Variants in CHRM3 observed in about 807,000 individuals in gnomAD.
CHRM3 encodes the protein muscarinic acetylcholine receptor M3.
A neutral mutation model predicts 41.8 loss-of-function variants in CHRM3; 11 were observed. The ratio of observed to expected loss-of-function variants is 0.26; its 90% CI spans 0.17 to 0.44. The LOEUF (loss-of-function observed/expected upper bound fraction) is 0.44, where lower values mean the gene tolerates loss of function less well. Ranked by LOEUF, CHRM3 falls within the 20% of genes least tolerant of loss-of-function variation. The pLI is 1.00. For synonymous variants in CHRM3, 297 were observed against 301.4 expected, an observed-to-expected ratio of 0.99 and a Z score of 0.15; for missense variants, 571 against 745.4, an observed-to-expected ratio of 0.77 and a Z score of 2.72.
In CHRM3 at chr1:239,560,832, G is replaced by A. The variant is rs187280287; in HGVS notation, c.-313+15083G>A. Among the ~76,000 whole-genome samples the A allele has an allele frequency of 1.1e-3, 172 of 152,112 alleles. 1 individual carries two copies. Among genetic ancestry groups the A allele is most frequent in the Non-Finnish European group, 1.8e-3 (122 of 68,002 alleles). ...ATCTTTACTTGAATGCCTAACAAGTGGCTCTAAATTAACATGTCCAAAACA... is the reference window on the plus strand; with the variant it reads ...ATCTTTACTTGAATGCCTAACAAGTAGCTCTAAATTAACATGTCCAAAACA... On this transcript the variant is annotated intron_variant, in intron 3 of 6. Transcript: ENST00000676153.
intron 1 of CHRM3, among the ~76,000 whole-genome samples, chr1:239,416,920 T>C (rs1661545199): frequency 6.6e-6 from 1 of 152,176 alleles, no homozygotes; most frequent in South Asian, 2.1e-4. Context: ...AGGAACATGA[T>C]AGCAAAGATG....
At chr1:239,893,379 T>C (rs972255163) in intron 6 of CHRM3, among the ~76,000 whole-genome samples, 5 of 152,162 alleles carry the variant, frequency 3.3e-5, no homozygotes, top group African/African-American at 9.7e-5. Flanking sequence ...TTTTAAAATT[T>C]TGCTTGTTCA....
intron 5 of CHRM3, among the ~76,000 whole-genome samples, chr1:239,817,974 C>T (rs1027066720): frequency 2.6e-5 from 4 of 152,134 alleles, no homozygotes; most frequent in Non-Finnish European, 4.4e-5. Flanking sequence ...GAGAATTAGA[C>T]GAGCTAATAG....
At chr1:239,589,385 G>C (rs1663815291) in intron 3 of CHRM3, among the ~76,000 whole-genome samples, 2 of 151,358 alleles carry the variant, frequency 1.3e-5, no homozygotes, top group Admixed American at 1.3e-4. Context: ...TTCTGCCAAA[G>C]ATAATTTAAG....
chr1:239,560,902 C>G (rs369049246), intron 3 of CHRM3, among the ~76,000 whole-genome samples: 3 of 152,186 alleles, frequency 2.0e-5, no homozygotes, highest in Non-Finnish European at 2.9e-5. Flanking sequence ...GTTTCTCCCC[C>G]ATCTGTCTCA....
At chr1:239,707,358 T>A (rs951433895) in intron 5 of CHRM3, 1 of 152,182 alleles carries the variant, frequency 6.6e-6, no homozygotes, top group South Asian at 2.1e-4. Context: ...ATAAAAAAAT[T>A]AGAATATCTG....
intron 1 of CHRM3, among the ~76,000 whole-genome samples, chr1:239,457,924 T>A (rs1665072500): frequency 6.6e-6 from 1 of 152,218 alleles, no homozygotes. Context: ...TTTCATCACT[T>A]GTTTCTGTCC....
intron 6 of CHRM3, among the ~76,000 whole-genome samples, chr1:239,884,526 A>G (rs140380250): frequency 4.6e-5 from 7 of 152,318 alleles, no homozygotes; most frequent in African/African-American, 1.2e-4. Context: ...CATTATGGAA[A>G]ATACAGGAAA....
chr1:239,759,171 T>G (rs1357027490), intron 5 of CHRM3, among the ~76,000 whole-genome samples: 7 of 126,452 alleles, frequency 5.5e-5, no homozygotes, highest in East Asian at 2.2e-4. Flanking sequence ...TTTTTTTTGT[T>G]TTTTTTTTTT....
At chr1:239,681,304 G>A (rs1658539022) in intron 5 of CHRM3, among the ~76,000 whole-genome samples, 1 of 152,176 alleles carries the variant, frequency 6.6e-6, no homozygotes. Context: ...AAGATAAGGT[G>A]TCATAAGAAA....
intron 3 of CHRM3, among the ~76,000 whole-genome samples, chr1:239,552,388 T>G (rs1392300045): frequency 2.0e-5 from 3 of 147,280 alleles, no homozygotes; most frequent in Non-Finnish European, 3.0e-5. Flanking sequence ...TATGTATAGA[T>G]ATGTATCATA....
intron 3 of CHRM3, among the ~76,000 whole-genome samples, chr1:239,573,110 G>T (rs145268325): frequency 6.6e-6 from 1 of 152,146 alleles, no homozygotes; most frequent in East Asian, 1.9e-4. Flanking sequence ...CTTCCATGCC[G>T]CACTCCTTCC....
intron 2 of CHRM3, among the ~76,000 whole-genome samples, chr1:239,538,490 T>C (rs1180920306): frequency 6.6e-6 from 1 of 152,190 alleles, no homozygotes; most frequent in Non-Finnish European, 1.5e-5. Context: ...CAAAGGGCTG[T>C]TTCAACCCAA....
At chr1:239,493,333 T>A (rs1028173538) in intron 2 of CHRM3, among the ~76,000 whole-genome samples, 2 of 152,190 alleles carry the variant, frequency 1.3e-5, no homozygotes, top group Non-Finnish European at 2.9e-5. Context: ...AGAAGAACTG[T>A]GTGTTTTGTT....
At chr1:239,815,379 A>G (rs981878705) in intron 5 of CHRM3, among the ~76,000 whole-genome samples, 3 of 152,086 alleles carry the variant, frequency 2.0e-5, no homozygotes, top group African/African-American at 4.8e-5. Context: ...TTTCTCTTGC[A>G]TTTTTAATCA....
intron 4 of CHRM3, among the ~76,000 whole-genome samples, chr1:239,640,782 T>C (rs112126441): frequency 6.7e-6 from 1 of 149,860 alleles, no homozygotes; most frequent in Admixed American, 6.7e-5. Flanking sequence ...CTGCTCTGAT[T>C]TTAGTTATTT....
chr1:239,837,854 G>A (rs921252341), intron 6 of CHRM3, among the ~76,000 whole-genome samples: 6 of 151,898 alleles, frequency 4.0e-5, no homozygotes, highest in South Asian at 4.1e-4. Context: ...GTTTTTATTC[G>A]GTGCAGCATA....
chr1:239,441,384 T>A (rs1297674121), intron 1 of CHRM3, among the ~76,000 whole-genome samples: 1 of 152,226 alleles, frequency 6.6e-6, no homozygotes. Flanking sequence ...TCTACTAAGA[T>A]GTTTTAATAT....
chr1:239,867,401 G>C (rs1302969965), intron 6 of CHRM3, among the ~76,000 whole-genome samples: 1 of 152,168 alleles, frequency 6.6e-6, no homozygotes, highest in Non-Finnish European at 1.5e-5. Flanking sequence ...CGAAAGTCAT[G>C]TATGGGCTGG....
Sources: gnomAD v4.1 joint callset for allele counts (sites outside exome capture counted in the v4.1 genomes callset) on GRCh38, gnomAD v4.1.1 for gene constraint, MANE v1.5 for transcripts, NCBI Gene and HGNC (gene_info 2026-07-23, HGNC 2026-07-21) for gene names.